The following ASB18 variants were observed in gnomAD, a reference collection of about 807,000 sequenced individuals.
ASB18 encodes the protein ankyrin repeat and SOCS box protein 18.
A neutral mutation model predicts 33.4 loss-of-function variants in ASB18; 33 were observed. The ratio of observed to expected loss-of-function variants is 0.99; its 90% CI spans 0.75 to 1.32. The LOEUF (loss-of-function observed/expected upper bound fraction) is 1.32, where lower values mean the gene tolerates loss of function less well. ASB18 is among the 40% of genes most tolerant of loss of function. ASB18 has a pLI of 0.00. For synonymous variants in ASB18, 295 were observed against 307.6 expected (o/e 0.96, Z 0.43); for missense variants, 694 against 655.5 (o/e 1.06, Z -0.64).
In ASB18 at chr2:236,235,266, C is replaced by T. The variant is rs1045089122; in HGVS notation, c.596+2423G>A. Among the ~76,000 whole-genome samples the T allele has an allele frequency of 5.3e-5, 8 of 152,220 alleles. No homozygotes were observed. Among genetic ancestry groups the T allele is most frequent in the African/African-American group, 1.9e-4 (8 of 41,440 alleles). On this transcript the variant is annotated intron_variant, in intron 3 of 5. Transcript: ENST00000409749. This position sits in a 1 kb window ranked among gnomAD's most constrained non-coding sequence, Gnocchi z 6.2. ...TTTTCTATGTTTAGATACACAAATA[C>T]TTCCCATTGTGTTACAATTCCCTAC...
At chr2:236,201,972 C>G (rs1326646891) in intron 4 of ASB18, among the ~76,000 whole-genome samples, 1 of 150,440 alleles carries the variant, frequency 6.6e-6, no homozygotes, top group Non-Finnish European at 1.5e-5. Flanking sequence ...TTTTTTGAGA[C>G]AGAGCCTCAC....
rs1477153625 is a variant in ASB18 at position 236,209,503 on chromosome 2, C to A, written c.1101+4859G>T. 3.3e-5 allele frequency among the ~76,000 whole-genome samples: 5 copies of A among 152,160 alleles called. No homozygotes were observed. The highest frequency in any genetic ancestry group is 9.7e-5 in the African/African-American group (4 of 41,436). On this transcript the variant is annotated intron_variant, in intron 4 of 5. Transcript: ENST00000409749. The surrounding 1 kb of genome is among the most constrained non-coding windows in gnomAD (Gnocchi z 4.4). ...TAGGCCAGTCTCAAACTGCTGGGCTCAAGTCATCCTTGTGCCTCCCAGAGT... is the reference window on the plus strand; with the variant it reads ...TAGGCCAGTCTCAAACTGCTGGGCTAAAGTCATCCTTGTGCCTCCCAGAGT...
At position 236,217,424 on chromosome 2, in the gene ASB18, A is replaced by AT. The variant is rs111975448; in HGVS notation, c.597-2559_597-2558insA. Among the ~76,000 whole-genome samples, 55 of 150,402 alleles carry AT rather than the reference A, an allele frequency of 3.7e-4. 1 individual carries two copies. Among genetic ancestry groups the AT allele is most frequent in the African/African-American group, 1.3e-3 (51 of 40,512 alleles). On this transcript the variant is annotated intron_variant, in intron 3 of 5. Transcript: ENST00000409749. This position sits in a 1 kb window ranked among gnomAD's most constrained non-coding sequence, Gnocchi z 5.2. ...CGAGACTCTGTCTCAAAAAAAAAAA[A>AT]AAATAAATCTTGGCACCTTCAACTC...
rs552410908 is a variant in ASB18 at position 236,195,859 on chromosome 2, C to T, written c.1215+413G>A. Among the ~76,000 whole-genome samples the T allele has an allele frequency of 2.0e-5, 3 of 152,232 alleles. No homozygotes were observed. The highest frequency in any genetic ancestry group is 2.0e-4 in the Admixed American group (3 of 15,280). ...ATGGACAGTCACCTGTGGACTTTGT[C>T]GTGGATAGATGTAATCCCCATAGCT... is the stretch of plus-strand genomic sequence containing the variant. On this transcript the variant is annotated intron_variant, in intron 5 of 5. Transcript: ENST00000409749. The surrounding 1 kb of genome is among the most constrained non-coding windows in gnomAD (Gnocchi z 5.5).
At position 236,237,333 on chromosome 2, in the gene ASB18, CCGCGGGGGCCGGGGCCGGGGCGCGG is replaced by C; in HGVS notation, c.596+331_596+355del. On this transcript the variant is annotated intron_variant, in intron 3 of 5. Transcript: ENST00000409749. This position sits in a 1 kb window ranked among gnomAD's most constrained non-coding sequence, Gnocchi z 6.2. ...GCTCGCAATCAAGCGCTAATTAAAC[CCGCGGGGGCCGGGGCCGGGGCGCGG>C]GGCGGGGGCCGGGGCCGGGGCGCGG... Among the ~76,000 whole-genome samples, 1 of 145,896 alleles carries C rather than the reference CCGCGGGGGCCGGGGCCGGGGCGCGG, an allele frequency of 6.9e-6. No individual in the cohort carries two copies. The highest frequency in any genetic ancestry group is 6.8e-5 in the Admixed American group (1 of 14,672).
rs1339702378 is a variant in ASB18 at position 236,215,838 on chromosome 2, G to C, written c.597-972C>G. On this transcript the variant is annotated intron_variant, in intron 3 of 5. Transcript: ENST00000409749. The surrounding 1 kb of genome is among the most constrained non-coding windows in gnomAD (Gnocchi z 7.2). ...TCCCATAGTCACCTGCCATCGATAA[G>C]GCCGCTCCAGCCTTGGAAGTCTGCA... 6.6e-6 allele frequency among the ~76,000 whole-genome samples: 1 copy of C among 152,158 alleles called. No homozygotes were observed. Among genetic ancestry groups the C allele is most frequent in the East Asian group, 1.9e-4 (1 of 5,190 alleles).
intron 1 of ASB18, among the ~76,000 whole-genome samples, chr2:236,243,020 CAAAAAAAAAAAAAAA>C: frequency 2.6e-5 from 1 of 38,420 alleles, no homozygotes; most frequent in East Asian, 9.1e-4. Context: ...GACCCTGTCT[CAAAAAAAAAAAAAAA>C]AAAAAAAAAA....
Position 236,238,504 on chromosome 2 carries a change from A to G in ASB18, c.329-548T>C, listed in dbSNP as rs1485860180. ...CCAAGGTTGTTCAAGAAAAGGACTC[A>G]GAGAAAGTTTAGCTCTCTTGCAAGT... On this transcript the variant is annotated intron_variant, in intron 2 of 5. Transcript: ENST00000409749. The surrounding 1 kb of genome is among the most constrained non-coding windows in gnomAD (Gnocchi z 5.2). Among the ~76,000 whole-genome samples, 2 of 152,178 alleles carry G rather than the reference A, an allele frequency of 1.3e-5. No homozygotes were observed. The highest frequency in any genetic ancestry group is 2.9e-5 in the Non-Finnish European group (2 of 68,024).
rs949533298 is a variant in ASB18, at chr2:236,217,520, T to C, written c.597-2654A>G. 2.4e-4 allele frequency among the ~76,000 whole-genome samples: 37 copies of C among 152,340 alleles called. No individual in the cohort carries two copies. Among genetic ancestry groups the C allele is most frequent in the African/African-American group, 8.4e-4 (35 of 41,582 alleles). On this transcript the variant is annotated intron_variant, in intron 3 of 5. Transcript: ENST00000409749. This position sits in a 1 kb window ranked among gnomAD's most constrained non-coding sequence, Gnocchi z 5.2. Reference sequence around the variant, plus strand: ...CCTATCATAGTGCCTATCACACTATTGGTATTCCCTAAAAACATATTGAAC... The same window carrying C: ...CCTATCATAGTGCCTATCACACTATCGGTATTCCCTAAAAACATATTGAAC...
chr2:236,224,673 G>A (rs1047173488), intron 3 of ASB18, among the ~76,000 whole-genome samples: 7 of 152,200 alleles, frequency 4.6e-5, no homozygotes, highest in Admixed American at 4.6e-4. Flanking sequence ...GGCATAACAC[G>A]GACTCTCTCT....
Position 236,219,305 on chromosome 2 carries a change from A to G in ASB18, c.597-4439T>C, listed in dbSNP as rs1023487030. ...AATAAGTCAAGGTGCAGTTTGATACAAGAACCACAACAGAGGTTATTAATA... is the reference window on the plus strand; with the variant it reads ...AATAAGTCAAGGTGCAGTTTGATACGAGAACCACAACAGAGGTTATTAATA... On this transcript the variant is annotated intron_variant, in intron 3 of 5. Coordinates refer to ENST00000409749, the MANE Select transcript of ASB18 (RefSeq NM_212556.4). This position sits in a 1 kb window ranked among gnomAD's most constrained non-coding sequence, Gnocchi z 6.4. Among the ~76,000 whole-genome samples, 4 of 152,198 alleles carry G rather than the reference A, an allele frequency of 2.6e-5. No individual in the cohort carries two copies. The highest frequency in any genetic ancestry group is 5.9e-5 in the Non-Finnish European group (4 of 68,036).
At position 236,238,310 on chromosome 2, in the gene ASB18, G is replaced by T. The variant is rs117706334; in HGVS notation, c.329-354C>A. On this transcript the variant is annotated intron_variant, in intron 2 of 5. Transcript: ENST00000409749. This position sits in a 1 kb window ranked among gnomAD's most constrained non-coding sequence, Gnocchi z 5.2. ...TGTCCAAGCAGGGTGCACGGTAGGC[G>T]AATTTAAGTGAGGAATTCACGTGTT... is the stretch of plus-strand genomic sequence containing the variant. Among the ~76,000 whole-genome samples the T allele has an allele frequency of 1.6e-3, 236 of 152,252 alleles. 6 individuals carry two copies. The East Asian group carries it at 0.04, about 26-fold the overall frequency.
Position 236,237,801 on chromosome 2 carries a change from C to G in ASB18, c.484G>C (p.Gly162Arg). 1 of 1,425,336 alleles carries G rather than the reference C, an allele frequency of 7.0e-7. No homozygotes were observed. Among genetic ancestry groups the G allele is most frequent in the Non-Finnish European group, 9.1e-7 (1 of 1,094,910 alleles). The allele number at this position is 1,425,336 out of a possible 1,614,324, so 88.3% of individuals were successfully genotyped here. A position where few individuals can be genotyped will look rare whatever the true frequency, so the allele number is the denominator to read the frequency against. Reference sequence around the variant, plus strand: ...AGGCGGACGCAGGCGGTGTGGCCCCCGAGGCAGGCCTCGTGCAGGGCGCCG... The same window carrying G: ...AGGCGGACGCAGGCGGTGTGGCCCCGGAGGCAGGCCTCGTGCAGGGCGCCG... ...GRGALHEACL[G>R]GHTACVRLLL... The change falls in exon 3 of 6, where the codon GGG (glycine) becomes CGG (arginine). Residue 162 changes from glycine (G) to arginine (R), a missense_variant. Gly to Arg is a moderately radical substitution (Grantham distance 125, BLOSUM62 -2). Transcript: ENST00000409749. The surrounding 1 kb of genome is among the most constrained non-coding windows in gnomAD (Gnocchi z 6.2).
chr2:236,258,687 G>C (rs1387276146), intron 1 of ASB18, among the ~76,000 whole-genome samples: 1 of 152,192 alleles, frequency 6.6e-6, no homozygotes, highest in African/African-American at 2.4e-5. Flanking sequence ...TAGATGAGAA[G>C]TCTAATTCTG....
Position 236,238,730 on chromosome 2 carries a change from C to T in ASB18, c.329-774G>A, listed in dbSNP as rs2060608314. Among the ~76,000 whole-genome samples, 2 of 151,962 alleles carry T rather than the reference C, an allele frequency of 1.3e-5. No homozygotes were observed. Among genetic ancestry groups the T allele is most frequent in the East Asian group, 1.9e-4 (1 of 5,184 alleles). On this transcript the variant is annotated intron_variant, in intron 2 of 5. Coordinates refer to ENST00000409749, the MANE Select transcript of ASB18 (RefSeq NM_212556.4). This position sits in a 1 kb window ranked among gnomAD's most constrained non-coding sequence, Gnocchi z 5.2. ...CAAAAAGCCCGTGGAAGGTTGTTAG[C>T]GGCCAGGAGCGCTCGTGGAAATGGG... is the stretch of plus-strand genomic sequence containing the variant.
chr2:236,214,185 T>C lies in ASB18; in HGVS notation c.1101+177A>G, dbSNP rs956005113. The C allele has an allele frequency of 2.6e-5, 17 of 656,626 alleles. No homozygotes were observed. Among genetic ancestry groups the C allele is most frequent in the Middle Eastern group, 4.3e-4 (1 of 2,348 alleles). 40.7% of individuals were successfully genotyped at this position (656,626 alleles called of 1,614,324 possible). The stretch of plus-strand genomic sequence containing the variant: ...AGTCTAGGCCACACCCGGGAGCTTG[T>C]TGGCAATGCAGGCTCTCCCACCCCA... On this transcript the variant is annotated intron_variant, in intron 4 of 5. Coordinates refer to ENST00000409749, the MANE Select transcript of ASB18 (RefSeq NM_212556.4). The surrounding 1 kb of genome is among the most constrained non-coding windows in gnomAD (Gnocchi z 6.5).
In ASB18 at chr2:236,211,671, G is replaced by A. The variant is rs899089638; in HGVS notation, c.1101+2691C>T. Among the ~76,000 whole-genome samples the A allele has an allele frequency of 6.6e-5, 10 of 152,216 alleles. No homozygotes were observed. Among genetic ancestry groups the A allele is most frequent in the African/African-American group, 9.6e-5 (4 of 41,452 alleles). On this transcript the variant is annotated intron_variant, in intron 4 of 5. Transcript: ENST00000409749. The surrounding 1 kb of genome is among the most constrained non-coding windows in gnomAD (Gnocchi z 5.0). ...CTGCAGCGTCTGTTGCTTTGATGTC[G>A]CACATGATTAGATGCCGTCCCTGGA...
chr2:236,236,767 AG>A (rs2060591333), intron 3 of ASB18, among the ~76,000 whole-genome samples: 1 of 137,856 alleles, frequency 7.3e-6, no homozygotes, highest in South Asian at 2.4e-4. Flanking sequence ...AGAAGCAGCA[AG>A]GGCGATGCGG....
Position 236,249,811 on chromosome 2 carries a change from G to A in ASB18, c.206-8409C>T, listed in dbSNP as rs1029077218. ...AGAATCCAAGCAGGAGAGGAGGCCCGGCTTGTGTCTGGCTAACTGAGTGAA... is the reference window on the plus strand; with the variant it reads ...AGAATCCAAGCAGGAGAGGAGGCCCAGCTTGTGTCTGGCTAACTGAGTGAA... On this transcript the variant is annotated intron_variant, in intron 1 of 5. Coordinates refer to ENST00000409749, the MANE Select transcript of ASB18 (RefSeq NM_212556.4). This position sits in a 1 kb window ranked among gnomAD's most constrained non-coding sequence, Gnocchi z 4.6. 1.3e-5 allele frequency: 2 copies of A among 152,126 alleles called. No individual in the cohort carries two copies. The highest frequency in any genetic ancestry group is 2.4e-5 in the African/African-American group (1 of 41,430). 9.4% of individuals were successfully genotyped at this position (152,126 alleles called of 1,614,324 possible). A position where few individuals can be genotyped will look rare whatever the true frequency, so the allele number is the denominator to read the frequency against.
Sources: allele counts gnomAD v4.1 joint callset (sites outside exome capture counted in the v4.1 genomes callset), GRCh38; gene constraint gnomAD v4.1.1; non-coding constraint Gnocchi (gnomAD v3.1); transcripts MANE v1.5; gene names NCBI Gene and HGNC (gene_info 2026-07-23, HGNC 2026-07-21).